Variants in ATF1 observed in about 807,000 individuals in gnomAD.
ATF1 encodes the protein cyclic AMP-dependent transcription factor ATF-1.
A neutral mutation model predicts 34.7 loss-of-function variants in ATF1; 16 were observed. The ratio of observed to expected loss-of-function variants is 0.46; its 90% CI spans 0.31 to 0.70. The LOEUF is 0.70. ATF1 is among the 30% of genes least tolerant of loss of function. ATF1 has a pLI of 0.05. For synonymous variants in ATF1, 105 were observed against 113.1 expected (o/e 0.93, Z 0.46); for missense variants, 255 against 321.6 (o/e 0.79, Z 1.58).
intron 1 of ATF1, among the ~76,000 whole-genome samples, chr12:50,771,635 C>G (rs1258765178): frequency 6.6e-6 from 1 of 152,122 alleles, no homozygotes; most frequent in Non-Finnish European, 1.5e-5. Flanking sequence ...AGAGCAACTC[C>G]ATCTTAAACA....
At chr12:50,816,564 T>A (rs1271049159) in intron 6 of ATF1, among the ~76,000 whole-genome samples, 1 of 152,134 alleles carries the variant, frequency 6.6e-6, no homozygotes, top group Non-Finnish European at 1.5e-5. Flanking sequence ...TTTTCTCATG[T>A]GCTCCATAAA....
intron 2 of ATF1, among the ~76,000 whole-genome samples, 189 bp downstream of exon 2, chr12:50,780,427 C>G (rs1184287994): frequency 2.0e-5 from 3 of 151,740 alleles, no homozygotes; most frequent in Non-Finnish European, 4.4e-5. Context: ...TCACTGCAAC[C>G]TCCACCTCCT....
chr12:50,819,608 C>A, intron 6 of ATF1, 27 bp from the exon 7 acceptor site: 2 of 1,601,878 alleles, frequency 1.2e-6, no homozygotes, highest in Non-Finnish European at 1.7e-6. Flanking sequence ...TTTTTTCTAA[C>A]ATTGTTTTTT....
intron 2 of ATF1, among the ~76,000 whole-genome samples, chr12:50,782,602 C>T (rs1156928715): frequency 2.7e-5 from 4 of 148,742 alleles, no homozygotes; most frequent in Non-Finnish European, 5.9e-5. Context: ...ACTATGTTGC[C>T]CAGGCTGGTG....
intron 6 of ATF1, among the ~76,000 whole-genome samples, chr12:50,816,019 T>C (rs924301556): frequency 1.3e-5 from 2 of 152,126 alleles, no homozygotes; most frequent in Non-Finnish European, 2.9e-5. Flanking sequence ...AGCTAAAATA[T>C]TTGAACACAT....
At chr12:50,773,473 A>G (rs1234295309) in intron 1 of ATF1, among the ~76,000 whole-genome samples, 43 of 124,644 alleles carry the variant, frequency 3.4e-4, no homozygotes, top group Non-Finnish European at 6.4e-4. Context: ...TTTTCGAGAC[A>G]AAGTCTCATT....
chr12:50,782,417 G>A (rs936028839), intron 2 of ATF1, among the ~76,000 whole-genome samples: 47 of 151,240 alleles, frequency 3.1e-4, no homozygotes, highest in African/African-American at 9.9e-4. Context: ...CACCACGCCC[G>A]GCTAATTTTT....
chr12:50,778,414 A>G (rs1940979405), intron 1 of ATF1, among the ~76,000 whole-genome samples: 1 of 151,178 alleles, frequency 6.6e-6, no homozygotes, highest in Non-Finnish European at 1.5e-5. Flanking sequence ...TAGTAGAGAC[A>G]TGGTTTCACC....
At chr12:50,773,377 C>T (rs1336099183) in intron 1 of ATF1, among the ~76,000 whole-genome samples, 1 of 151,956 alleles carries the variant, frequency 6.6e-6, no homozygotes, top group Non-Finnish European at 1.5e-5. Flanking sequence ...TTTACACTCC[C>T]ACCAACAACG....
intron 2 of ATF1, among the ~76,000 whole-genome samples, chr12:50,781,554 G>GCC (rs1941062093): frequency 6.6e-6 from 1 of 151,960 alleles, no homozygotes; most frequent in Non-Finnish European, 1.5e-5. Flanking sequence ...GGGTTCAAAC[G>GCC]ATTCTCCTGC....
At chr12:50,799,528 G>A (rs1429370570) in intron 3 of ATF1, among the ~76,000 whole-genome samples, 1 of 152,126 alleles carries the variant, frequency 6.6e-6, no homozygotes, top group Non-Finnish European at 1.5e-5. Context: ...GGAAAAGACT[G>A]TTGACAGAAG....
At chr12:50,776,075 G>A (rs1482225294) in intron 1 of ATF1, among the ~76,000 whole-genome samples, 1 of 152,116 alleles carries the variant, frequency 6.6e-6, no homozygotes, top group Non-Finnish European at 1.5e-5. Context: ...CACTTTGGGA[G>A]GCCGAGGAGG....
At chr12:50,814,223 C>A (rs767437117) in intron 5 of ATF1, 31 bp downstream of exon 5, 54 of 1,613,278 alleles carry the variant, frequency 3.3e-5, no homozygotes, top group Non-Finnish European at 4.5e-5. Flanking sequence ...CAGAAAGTCT[C>A]CTAACACTGT....
intron 1 of ATF1, among the ~76,000 whole-genome samples, chr12:50,765,288 C>T (rs1386559322): frequency 6.6e-6 from 1 of 152,156 alleles, no homozygotes; most frequent in Admixed American, 6.5e-5. Flanking sequence ...TTCTAAAATG[C>T]TCTTTTTTCT....
intron 3 of ATF1, among the ~76,000 whole-genome samples, chr12:50,801,719 A>G (rs1286287627): frequency 1.3e-5 from 2 of 152,232 alleles, no homozygotes; most frequent in African/African-American, 4.8e-5. Flanking sequence ...AACAAAAAAC[A>G]TATGATCATC....
rs1000202665 is a variant in ATF1, at chr12:50,778,386, G to A, written c.-6-1754G>A. Among the ~76,000 whole-genome samples, 18 of 150,874 alleles carry A rather than the reference G, an allele frequency of 1.2e-4. 1 individual carries two copies. The highest frequency in any genetic ancestry group is 1.1e-3 in the Admixed American group (17 of 15,092). On this transcript the variant is annotated intron_variant, in intron 1 of 6. Transcript: ENST00000262053. ...GACTGCAGGCACCTGCCCCCGTGCC[G>A]AGCTAATTTTTTATTTTTAGTAGAG... is the stretch of plus-strand genomic sequence containing the variant.
At chr12:50,808,659 G>T (rs1941667615) in intron 3 of ATF1, among the ~76,000 whole-genome samples, 1 of 151,720 alleles carries the variant, frequency 6.6e-6, no homozygotes, top group East Asian at 1.9e-4. Flanking sequence ...TATGTAATCA[G>T]CCTGGAGCAC....
intron 3 of ATF1, among the ~76,000 whole-genome samples, chr12:50,801,386 C>A (rs1258704263): frequency 6.6e-6 from 1 of 151,878 alleles, no homozygotes; most frequent in Non-Finnish European, 1.5e-5. Flanking sequence ...TTTGAAAAGT[C>A]TTCAAATAAT....
chr12:50,791,330 C>T lies in ATF1; in HGVS notation c.94-4579C>T, dbSNP rs973009277. 2.0e-5 allele frequency among the ~76,000 whole-genome samples: 3 copies of T among 152,046 alleles called. No individual in the cohort carries two copies. In the East Asian group the frequency reaches 5.8e-4, roughly 30 times the overall value. Reference sequence around the variant, plus strand: ...TAGCACTTTGGGAGGCGGAGGTGGGCGGATCACCTGAGGTCAGGAGTTCGA... The same window carrying T: ...TAGCACTTTGGGAGGCGGAGGTGGGTGGATCACCTGAGGTCAGGAGTTCGA... On this transcript the variant is annotated intron_variant, in intron 2 of 6. Transcript: ENST00000262053.
Sources: allele counts gnomAD v4.1 joint callset (sites outside exome capture counted in the v4.1 genomes callset), GRCh38; gene constraint gnomAD v4.1.1; transcripts MANE v1.5; gene names NCBI Gene and HGNC (gene_info 2026-07-23, HGNC 2026-07-21).